Variants in TMEM131L observed in about 807,000 individuals in gnomAD.
TMEM131L encodes transmembrane protein 131-like.
In TMEM131L, 54 loss-of-function variants were observed where a neutral mutation model predicts 192.2. That is an observed-to-expected ratio of 0.28 (90% CI 0.23 to 0.35). The LOEUF is 0.35. Among genes scored for constraint, TMEM131L ranks in the 10% least tolerant of loss-of-function variants. The pLI, the probability that TMEM131L is intolerant of heterozygous loss-of-function variation, is 1.00. For missense variants in TMEM131L, 1,888 were observed against 1,972.9 expected, an observed-to-expected ratio of 0.96 and a Z score of 0.82; for synonymous variants, 701 against 704.9, an observed-to-expected ratio of 0.99 and a Z score of 0.09.
chr4:153,534,837 G>A (rs1409059834), intron 3 of TMEM131L, among the ~76,000 whole-genome samples: 2 of 152,184 alleles, frequency 1.3e-5, no homozygotes, highest in Non-Finnish European at 2.9e-5. Context: ...CTTTAAGGTA[G>A]GAGGACCATA....
chr4:153,564,287 C>CAAAAAA (rs1178320668), intron 7 of TMEM131L, among the ~76,000 whole-genome samples: 550 of 17,632 alleles, frequency 0.031, 75 homozygotes, highest in African/African-American at 0.07. Context: ...AACTCCGTCT[C>CAAAAAA]AAAAAAAAAA....
intron 3 of TMEM131L, among the ~76,000 whole-genome samples, chr4:153,484,889 G>A (rs1405880372): frequency 1.4e-5 from 2 of 147,754 alleles, no homozygotes; most frequent in African/African-American, 2.5e-5. Flanking sequence ...GGAGGCCGAG[G>A]CGGGCGGATC....
intron 3 of TMEM131L, among the ~76,000 whole-genome samples, chr4:153,498,216 G>A (rs1733329449): frequency 6.6e-6 from 1 of 152,148 alleles, no homozygotes; most frequent in Non-Finnish European, 1.5e-5. Context: ...GGGGTTTGGG[G>A]GAGTCCTGAG....
intron 3 of TMEM131L, among the ~76,000 whole-genome samples, chr4:153,503,396 C>T (rs1733746169): frequency 6.6e-6 from 1 of 152,090 alleles, no homozygotes; most frequent in African/African-American, 2.4e-5. Context: ...AGTGACTTGG[C>T]ATAAAAGGGA....
intron 11 of TMEM131L, 69 bp from the exon 12 acceptor site, chr4:153,584,766 T>C (rs1429158291): frequency 1.7e-5 from 17 of 1,024,980 alleles, no homozygotes; most frequent in Middle Eastern, 2.1e-4. Context: ...ATAAGACATA[T>C]ATCTTTTGTT....
chr4:153,486,412 G>A (rs187453503), intron 3 of TMEM131L, among the ~76,000 whole-genome samples: 180 of 152,290 alleles, frequency 1.2e-3, no homozygotes, highest in Non-Finnish European at 1.9e-3. Context: ...TTTGCTTTGG[G>A]ATTATTTTCA....
chr4:153,526,562 G>A (rs980133562), intron 3 of TMEM131L, among the ~76,000 whole-genome samples: 15 of 151,886 alleles, frequency 9.9e-5, no homozygotes, highest in Non-Finnish European at 1.0e-4. Context: ...GTGAAACCCC[G>A]TCTCTACTAA....
chr4:153,537,552 G>A (rs913441052), intron 3 of TMEM131L, among the ~76,000 whole-genome samples: 1 of 152,164 alleles, frequency 6.6e-6, no homozygotes, highest in Non-Finnish European at 1.5e-5. Context: ...ACATACTGAT[G>A]TTGCCATGGC....
At chr4:153,484,562 G>A (rs1335366766) in intron 3 of TMEM131L, among the ~76,000 whole-genome samples, 3 of 150,468 alleles carry the variant, frequency 2.0e-5, no homozygotes, top group South Asian at 2.1e-4. Context: ...TCTGCCTCCC[G>A]GGTTCATGCC....
At chr4:153,469,805 AATCCCAGCTGCTCGGG>A (rs767432921) in intron 2 of TMEM131L, among the ~76,000 whole-genome samples, 18 of 152,154 alleles carry the variant, frequency 1.2e-4, no homozygotes, top group Non-Finnish European at 2.4e-4. Context: ...GCAGGCCTGT[AATCCCAGCTGCTCGGG>A]AGGCTGAGGC....
At chr4:153,612,843 T>C (rs181655534) in intron 26 of TMEM131L, among the ~76,000 whole-genome samples, 2 of 152,256 alleles carry the variant, frequency 1.3e-5, no homozygotes, top group Non-Finnish European at 2.9e-5. Flanking sequence ...TTTCCTGATA[T>C]GAGGGAAGAA....
chr4:153,603,161 T>C, intron 23 of TMEM131L, 142 bp from the exon 24 acceptor site: 6 of 686,098 alleles, frequency 8.7e-6, no homozygotes, highest in Non-Finnish European at 1.1e-5. Context: ...CATCAGAAAT[T>C]ATGTGATAAA....
chr4:153,624,800 A>T (rs569779628), intron 29 of TMEM131L, among the ~76,000 whole-genome samples: 1 of 152,180 alleles, frequency 6.6e-6, no homozygotes, highest in Admixed American at 6.5e-5. Context: ...AACACAAGCC[A>T]TAGAGAATTT....
At chr4:153,609,507 A>G (rs769136253) in intron 25 of TMEM131L, among the ~76,000 whole-genome samples, 1 of 152,306 alleles carries the variant, frequency 6.6e-6, no homozygotes, top group Non-Finnish European at 1.5e-5. Flanking sequence ...TAAATGACGT[A>G]TGTGTTTGGT....
chr4:153,478,312 A>G (rs1188995469), intron 3 of TMEM131L, among the ~76,000 whole-genome samples: 1 of 152,214 alleles, frequency 6.6e-6, no homozygotes, highest in African/African-American at 2.4e-5. Flanking sequence ...TTAGTCACCT[A>G]CGTACTTACT....
At chr4:153,601,050 C>T (rs956819829) in intron 21 of TMEM131L, among the ~76,000 whole-genome samples, 1 of 147,902 alleles carries the variant, frequency 6.8e-6, no homozygotes, top group Admixed American at 6.9e-5. Context: ...GTAGAGTTTG[C>T]AGTGAGCTGA....
In TMEM131L at chr4:153,604,461, T is replaced by C. The variant is rs765478103; in HGVS notation, c.3418+31T>C. 6 of 1,564,580 alleles carry C rather than the reference T, an allele frequency of 3.8e-6. No individual in the cohort carries two copies. In the Admixed American group the frequency reaches 7.6e-5, roughly 20 times the overall value. Reference sequence around the variant, plus strand: ...CTTTTCATCCCCTTTGATAATTCTCTCCTGTTTGTACCCAGTCTGTTTTTA... The same window carrying C: ...CTTTTCATCCCCTTTGATAATTCTCCCCTGTTTGTACCCAGTCTGTTTTTA... On this transcript the variant is annotated intron_variant, in intron 25 of 34. Transcript: ENST00000409959.
chr4:153,599,386 T>C (rs905612155), intron 21 of TMEM131L, among the ~76,000 whole-genome samples: 2 of 152,076 alleles, frequency 1.3e-5, no homozygotes, highest in African/African-American at 4.8e-5. Context: ...CATGAGATTT[T>C]GGTGAGGACG....
chr4:153,513,988 G>A (rs1012074821), intron 3 of TMEM131L, among the ~76,000 whole-genome samples: 3 of 152,130 alleles, frequency 2.0e-5, no homozygotes, highest in Non-Finnish European at 2.9e-5. Context: ...TCTCAGATAA[G>A]TCTCATTTTT....
Sources: allele counts gnomAD v4.1 joint callset (sites outside exome capture counted in the v4.1 genomes callset), GRCh38; gene constraint gnomAD v4.1.1; transcripts MANE v1.5; gene names NCBI Gene and HGNC (gene_info 2026-07-23, HGNC 2026-07-21).